The following MACROH2A2 variants were observed in gnomAD, a reference collection of about 807,000 sequenced individuals.
The protein encoded by MACROH2A2 is core histone macro-H2A.2.
MACROH2A2 carries 6 observed loss-of-function variants against 37.6 expected under a neutral mutation model. The observed-to-expected ratio is 0.16, with a 90% CI of 0.09 to 0.32. MACROH2A2 has a LOEUF of 0.32. Among genes scored for constraint, MACROH2A2 ranks in the 10% least tolerant of loss-of-function variants. MACROH2A2 has a pLI of 1.00. For missense variants in MACROH2A2, 290 were observed against 485.9 expected, an observed-to-expected ratio of 0.60 and a Z score of 3.79; for synonymous variants, 192 against 202.7, an observed-to-expected ratio of 0.95 and a Z score of 0.45.
chr10:70,062,928 A>G (rs918428232), intron 1 of MACROH2A2, among the ~76,000 whole-genome samples: 7 of 152,160 alleles, frequency 4.6e-5, no homozygotes, highest in Non-Finnish European at 1.0e-4. Flanking sequence ...CAGGTTCAGT[A>G]CACCAAAATC....
intron 2 of MACROH2A2, among the ~76,000 whole-genome samples, chr10:70,081,068 CAAAAAAAA>C (rs34688764): frequency 1.7e-4 from 8 of 45,832 alleles, no homozygotes; most frequent in Non-Finnish European, 3.2e-4. Flanking sequence ...CCCTGTCTCT[CAAAAAAAA>C]AAAAAAAAAA....
intron 3 of MACROH2A2, 62 bp downstream of exon 3, chr10:70,090,228 C>T (rs2072236575): frequency 9.2e-7 from 1 of 1,087,684 alleles, no homozygotes; most frequent in East Asian, 2.4e-5. Flanking sequence ...AATGTGTGGG[C>T]CTGGCTGGCC....
At chr10:70,069,614 G>A (rs1475742192) in intron 1 of MACROH2A2, among the ~76,000 whole-genome samples, 1 of 152,116 alleles carries the variant, frequency 6.6e-6, no homozygotes, top group African/African-American at 2.4e-5. Flanking sequence ...CTCCAAACAT[G>A]TAAACTTAGT....
Position 70,053,880 on chromosome 10 carries a change from G to A in MACROH2A2, c.-60+880G>A, listed in dbSNP as rs1041612572. On this transcript the variant is annotated intron_variant, in intron 1 of 8. Coordinates refer to ENST00000373255, the MANE Select transcript of MACROH2A2 (RefSeq NM_018649.3). This position sits in a 1 kb window ranked among gnomAD's most constrained non-coding sequence, Gnocchi z 4.8. ...GGAATAAAAGTAAACTGGCTGCGGC[G>A]CAGGAAAGGGCTCTGCCGGGCGCCG... Among the ~76,000 whole-genome samples the A allele has an allele frequency of 1.1e-4, 17 of 152,264 alleles. No homozygotes were observed. The highest frequency in any genetic ancestry group is 4.1e-4 in the African/African-American group (17 of 41,564).
At chr10:70,082,777 AAGT>A (rs1453936136) in intron 2 of MACROH2A2, among the ~76,000 whole-genome samples, 1 of 152,174 alleles carries the variant, frequency 6.6e-6, no homozygotes, top group East Asian at 1.9e-4. Flanking sequence ...TACAGACAGA[AAGT>A]AGAATAGAGG....
chr10:70,057,944 A>G (rs1341879357), intron 1 of MACROH2A2, among the ~76,000 whole-genome samples: 1 of 152,188 alleles, frequency 6.6e-6, no homozygotes, highest in East Asian at 1.9e-4. Flanking sequence ...AAGTCACCAC[A>G]CAAGGGACTC....
Position 70,109,270 on chromosome 10 carries a change from C to A in MACROH2A2, c.953+63C>A, listed in dbSNP as rs116376679. The A allele has an allele frequency of 2.0e-3, 2,790 of 1,380,226 alleles. 35 individuals carry two copies. In the African/African-American group the frequency reaches 0.034, roughly 17 times the overall value. The allele number at this position is 1,380,226 out of a possible 1,614,324, so 85.5% of individuals were successfully genotyped here. A position where few individuals can be genotyped will look rare whatever the true frequency, so the allele number is the denominator to read the frequency against. ...TTTCCCTGGAAATCAGCTGCTCCCC[C>A]ACTTACATCTGATCTGGGTGTTGCC... On this transcript the variant is annotated intron_variant, in intron 8 of 8. Transcript: ENST00000373255.
chr10:70,090,864 G>T (rs1359060471), intron 3 of MACROH2A2, among the ~76,000 whole-genome samples: 1 of 152,216 alleles, frequency 6.6e-6, no homozygotes, highest in Admixed American at 6.5e-5. Context: ...CTATACTTCT[G>T]TTGTCACTGA....
In MACROH2A2 at chr10:70,109,073, C is replaced by T. The variant is rs766207128; in HGVS notation, c.819C>T (p.Val273=). The T allele has an allele frequency of 9.3e-6, 15 of 1,614,184 alleles. No homozygotes were observed. The Admixed American group carries it at 2.5e-4, about 27-fold the overall frequency. Residue 273 remains valine, a synonymous_variant, in exon 8 of 9, where the codon GTC becomes GTT. Transcript: ENST00000373255. The stretch of plus-strand genomic sequence containing the variant: ...CCAGTGGACTCGCAGCCAAATTTGT[C>T]ATCCACTGTCACATCCCTCAGTGGG... ...SQSSGLAAKF[V]IHCHIPQWGS...
intron 2 of MACROH2A2, among the ~76,000 whole-genome samples, chr10:70,077,755 T>G (rs551412160): frequency 1.4e-4 from 22 of 152,244 alleles, no homozygotes; most frequent in Admixed American, 1.3e-3. Flanking sequence ...AAAATGCAAG[T>G]TCCTAGATAT....
rs1210183901 is a variant in MACROH2A2 at position 70,053,545 on chromosome 10, C to T, written c.-60+545C>T. ...ATGGAGGGGGCGCGGAGCAGCCGGG[C>T]GGAGGTTAGGGACCCGAGTCCGGGG... On this transcript the variant is annotated intron_variant, in intron 1 of 8. Transcript: ENST00000373255. The surrounding 1 kb of genome is among the most constrained non-coding windows in gnomAD (Gnocchi z 4.8). Among the ~76,000 whole-genome samples, 2 of 150,834 alleles carry T rather than the reference C, an allele frequency of 1.3e-5. No individual in the cohort carries two copies. Among genetic ancestry groups the T allele is most frequent in the East Asian group, 4.0e-4 (2 of 5,056 alleles).
Position 70,095,237 on chromosome 10 carries a change from G to A in MACROH2A2, c.589-417G>A, listed in dbSNP as rs2394649. Among the ~76,000 whole-genome samples, 1,308 of 152,116 alleles carry A rather than the reference G, an allele frequency of 8.6e-3. 43 individuals carry two copies. Among genetic ancestry groups the A allele is most frequent in the Admixed American group, 0.053 (806 of 15,276 alleles). Reference sequence around the variant, plus strand: ...CAAAAAATTAGCTGGGCATGGTGGCGGGCGCCTGTAGTCCCAGCTACTCAG... The same window carrying A: ...CAAAAAATTAGCTGGGCATGGTGGCAGGCGCCTGTAGTCCCAGCTACTCAG... On this transcript the variant is annotated intron_variant, in intron 5 of 8. Transcript: ENST00000373255.
chr10:70,098,725 G>A (rs1431627925), intron 6 of MACROH2A2: 2 of 152,424 alleles, frequency 1.3e-5, no homozygotes, highest in East Asian at 3.8e-4. Context: ...TCAGTGGCGA[G>A]TGCTCGTGCC....
At chr10:70,104,664 A>T (rs2072326299) in intron 7 of MACROH2A2, among the ~76,000 whole-genome samples, 1 of 152,316 alleles carries the variant, frequency 6.6e-6, no homozygotes, top group African/African-American at 2.4e-5. Context: ...GGCAAGAGTG[A>T]AACTCTGTGT....
rs1400972029 is a variant in MACROH2A2 at position 70,052,988 on chromosome 10, G to A, written c.-72G>A. 6.6e-6 allele frequency: 1 copy of A among 152,322 alleles called. No homozygotes were observed. The highest frequency in any genetic ancestry group is 1.5e-5 in the Non-Finnish European group (1 of 68,140). 9.4% of individuals were successfully genotyped at this position (152,322 alleles called of 1,614,324 possible). A position where few individuals can be genotyped will look rare whatever the true frequency, so the allele number is the denominator to read the frequency against. ...AGGGCACCGGGCGCCGGGAGCAGGC[G>A]GCGCAGCACCAGGTGAGCCCGCCAT... On this transcript the variant is annotated 5_prime_UTR_variant, in exon 1 of 9. Coordinates refer to ENST00000373255, the MANE Select transcript of MACROH2A2 (RefSeq NM_018649.3).
In MACROH2A2 at chr10:70,053,484, G is replaced by C. The variant is rs2071988923; in HGVS notation, c.-60+484G>C. Among the ~76,000 whole-genome samples the C allele has an allele frequency of 6.6e-6, 1 of 151,922 alleles. No individual in the cohort carries two copies. Among genetic ancestry groups the C allele is most frequent in the African/African-American group, 2.4e-5 (1 of 41,396 alleles). On this transcript the variant is annotated intron_variant, in intron 1 of 8. Coordinates refer to ENST00000373255, the MANE Select transcript of MACROH2A2 (RefSeq NM_018649.3). The surrounding 1 kb of genome is among the most constrained non-coding windows in gnomAD (Gnocchi z 4.8). ...GAGGGCCGCTCGGGGGCCTCTGAAG[G>C]TGCCCGGGCAGGGCGCCGGCGGCTC... is the stretch of plus-strand genomic sequence containing the variant.
intron 2 of MACROH2A2, among the ~76,000 whole-genome samples, chr10:70,086,945 C>A (rs1439040103): frequency 6.6e-6 from 1 of 152,194 alleles, no homozygotes; most frequent in East Asian, 1.9e-4. Context: ...AATCCCAACA[C>A]TTTGGGAAGC....
At chr10:70,068,505 G>A (rs2072091377) in intron 1 of MACROH2A2, among the ~76,000 whole-genome samples, 1 of 152,214 alleles carries the variant, frequency 6.6e-6, no homozygotes, top group African/African-American at 2.4e-5. Context: ...GTGTACAGCT[G>A]TTGGGCACTG....
At chr10:70,058,000 G>A (rs1268175033) in intron 1 of MACROH2A2, among the ~76,000 whole-genome samples, 1 of 152,164 alleles carries the variant, frequency 6.6e-6, no homozygotes, top group African/African-American at 2.4e-5. Context: ...TTATGCCCAC[G>A]TGGTAAGAGC....
Sources: allele counts gnomAD v4.1 joint callset (sites outside exome capture counted in the v4.1 genomes callset), GRCh38; gene constraint gnomAD v4.1.1; non-coding constraint Gnocchi (gnomAD v3.1); transcripts MANE v1.5; gene names NCBI Gene and HGNC (gene_info 2026-07-23, HGNC 2026-07-21).